The following DOP1A variants were observed in gnomAD, a reference collection of about 807,000 sequenced individuals.
DOP1A encodes protein DOP1A.
Under a neutral mutation model 267.6 loss-of-function variants are expected in DOP1A, and 90 were observed. That is an observed-to-expected ratio of 0.34 (90% CI 0.28 to 0.40). The LOEUF (loss-of-function observed/expected upper bound fraction) is 0.40, where lower values mean the gene tolerates loss of function less well. Ranked by LOEUF, DOP1A falls within the 10% of genes least tolerant of loss-of-function variation. The probability of loss-of-function intolerance (pLI) is 1.00; values close to 1 mark genes in which losing one functional copy is unlikely to be tolerated. For missense variants in DOP1A, 2,437 were observed against 2,900.4 expected (o/e 0.84, Z 3.67); for synonymous variants, 932 against 999.1 (o/e 0.93, Z 1.27).
chr6:83,068,656 T>A (rs1785103337), intron 1 of DOP1A, among the ~76,000 whole-genome samples: 1 of 152,220 alleles, frequency 6.6e-6, no homozygotes, highest in Non-Finnish European at 1.5e-5. Flanking sequence ...TTGATGTTGT[T>A]GGCCATTGTC....
intron 1 of DOP1A, among the ~76,000 whole-genome samples, chr6:83,085,329 C>T (rs1205535687): frequency 1.3e-5 from 2 of 152,138 alleles, no homozygotes; most frequent in East Asian, 3.8e-4. Flanking sequence ...ATAGTATTTG[C>T]ATCCCATTGA....
At chr6:83,076,391 G>A (rs1767098782) in intron 1 of DOP1A, among the ~76,000 whole-genome samples, 2 of 152,098 alleles carry the variant, frequency 1.3e-5, no homozygotes, top group South Asian at 4.1e-4. Flanking sequence ...GCGTGGTGGT[G>A]CACACCTGTA....
At chr6:83,094,089 C>A (rs373641502) in intron 1 of DOP1A, among the ~76,000 whole-genome samples, 2 of 152,272 alleles carry the variant, frequency 1.3e-5, no homozygotes, top group African/African-American at 4.8e-5. Context: ...CTTCTCCCCC[C>A]ACTCTAATCA....
intron 30 of DOP1A, among the ~76,000 whole-genome samples, 171 bp downstream of exon 30, chr6:83,152,538 A>C (rs543862010): frequency 6.6e-6 from 1 of 151,798 alleles, no homozygotes; most frequent in African/African-American, 2.4e-5. Flanking sequence ...TGGATTATTT[A>C]GTTTGCCAAA....
At chr6:83,150,746 A>G (rs1287507533) in intron 27 of DOP1A, among the ~76,000 whole-genome samples, 1 of 152,200 alleles carries the variant, frequency 6.6e-6, no homozygotes, top group Non-Finnish European at 1.5e-5. Context: ...TTCATGAACT[A>G]TTTTTAATGT....
At chr6:83,085,104 GACTAT>G (rs1468672100) in intron 1 of DOP1A, among the ~76,000 whole-genome samples, 2 of 152,160 alleles carry the variant, frequency 1.3e-5, no homozygotes, top group Non-Finnish European at 2.9e-5. Context: ...GGTCAAGTGT[GACTAT>G]ACTAGTTAAG....
chr6:83,120,903 A>G, intron 10 of DOP1A, 112 bp downstream of exon 10: 1 of 724,704 alleles, frequency 1.4e-6, no homozygotes, highest in Non-Finnish European at 2.1e-6. Flanking sequence ...CTTTAAATAT[A>G]AGTTCTCAAC....
rs1301059805 is a variant in DOP1A, at chr6:83,137,051, G to A, written c.3131-122G>A. ...TGCAATAAAATAAAATGTAATTTTA[G>A]GAAAATATAAGTAGATGATGACACT... On this transcript the variant is annotated intron_variant, in intron 20 of 38. Transcript: ENST00000349129. 6.2e-6 allele frequency: 6 copies of A among 967,708 alleles called. No homozygotes were observed. In the African/African-American group the frequency reaches 1.0e-4, roughly 16 times the overall value. The allele number at this position is 967,708 out of a possible 1,614,324, so 59.9% of individuals were successfully genotyped here.
At chr6:83,121,859 G>T in intron 10 of DOP1A, 71 bp from the exon 11 acceptor site, 4 of 1,453,412 alleles carry the variant, frequency 2.8e-6, no homozygotes, top group East Asian at 4.8e-5. Flanking sequence ...GTTTCATTGG[G>T]CCAATTTTCA....
intron 27 of DOP1A, among the ~76,000 whole-genome samples, chr6:83,149,538 C>T (rs1429147823): frequency 6.6e-6 from 1 of 152,044 alleles, no homozygotes; most frequent in Non-Finnish European, 1.5e-5. Context: ...GAAAATAAGA[C>T]TGAATGAAAA....
At chr6:83,118,340 C>A (rs2128207143) in intron 7 of DOP1A, among the ~76,000 whole-genome samples, 2 of 152,054 alleles carry the variant, frequency 1.3e-5, no homozygotes, top group South Asian at 2.1e-4. Flanking sequence ...AAAATTATTT[C>A]TCTTAAAAAG....
intron 24 of DOP1A, among the ~76,000 whole-genome samples, chr6:83,144,909 G>T (rs773353739): frequency 1.8e-4 from 27 of 149,970 alleles, no homozygotes; most frequent in Non-Finnish European, 3.4e-4. Flanking sequence ...TAAATTTTGA[G>T]CCTGGGCAAC....
intron 1 of DOP1A, among the ~76,000 whole-genome samples, chr6:83,090,145 A>G (rs1770081060): frequency 6.6e-6 from 1 of 152,178 alleles, no homozygotes; most frequent in Non-Finnish European, 1.5e-5. Flanking sequence ...AATGACGACA[A>G]CTGTTTCTTG....
chr6:83,117,824 C>G (rs777065349), intron 7 of DOP1A, among the ~76,000 whole-genome samples: 2 of 152,164 alleles, frequency 1.3e-5, no homozygotes, highest in Non-Finnish European at 2.9e-5. Flanking sequence ...TTGTACAGAT[C>G]AATAGAAGGC....
chr6:83,130,749 C>CT (rs988236529), intron 17 of DOP1A, among the ~76,000 whole-genome samples: 2,605 of 146,246 alleles, frequency 0.018, 79 homozygotes, highest in African/African-American at 0.056. Flanking sequence ...TTTTGCTTTT[C>CT]TTTTTTTTTT....
chr6:83,150,956 T>C (rs1781554670), intron 27 of DOP1A, among the ~76,000 whole-genome samples: 1 of 152,174 alleles, frequency 6.6e-6, no homozygotes, highest in South Asian at 2.1e-4. Context: ...TCCACACCTC[T>C]CCCAATTACT....
chr6:83,151,957 A>G lies in DOP1A; in HGVS notation c.5979A>G (p.Arg1993=), dbSNP rs542452183. ...CTCTGGAACAGACAACATGGCTGCG[A>G]CGAAATCTTGAAGTTAAGCCTTCTC... ...GSSLEQTTWL[R]RNLEVKPSPK... Residue 1993 remains arginine, a synonymous_variant, in exon 29 of 39, where the codon CGA becomes CGG. Transcript: ENST00000349129. 1.2e-6 allele frequency: 2 copies of G among 1,614,024 alleles called. No homozygotes were observed. The highest frequency in any genetic ancestry group is 2.7e-5 in the African/African-American group (2 of 75,038).
At chr6:83,144,363 A>T (rs1780132664) in intron 24 of DOP1A, among the ~76,000 whole-genome samples, 1 of 152,190 alleles carries the variant, frequency 6.6e-6, no homozygotes, top group Admixed American at 6.5e-5. Flanking sequence ...GTCTCAAGGA[A>T]AAAAGAGAAG....
rs373933314 is a variant in DOP1A at position 83,119,906 on chromosome 6, T to C, written c.990+49T>C. 18 of 1,485,348 alleles carry C rather than the reference T, an allele frequency of 1.2e-5. No homozygotes were observed. In the African/African-American group the frequency reaches 2.5e-4, roughly 21 times the overall value. 92.0% of individuals were successfully genotyped at this position (1,485,348 alleles called of 1,614,324 possible). A position where few individuals can be genotyped will look rare whatever the true frequency, so the allele number is the denominator to read the frequency against. ...TTGGTTACTTACTGACCACTAGAGG[T>C]AGTGAAAAAGTGTAAGACGAGGTCT... On this transcript the variant is annotated intron_variant, in intron 9 of 38. Coordinates refer to ENST00000349129, the MANE Select transcript of DOP1A (RefSeq NM_015018.4).
Sources: gnomAD v4.1 joint callset for allele counts (sites outside exome capture counted in the v4.1 genomes callset) on GRCh38, gnomAD v4.1.1 for gene constraint, MANE v1.5 for transcripts, NCBI Gene and HGNC (gene_info 2026-07-23, HGNC 2026-07-21) for gene names.